SUFU: variants seen among roughly 807,000 people sequenced by gnomAD.
The protein encoded by SUFU is SUFU negative regulator of hedgehog signaling.
SUFU carries 7 observed loss-of-function variants against 58.9 expected under a neutral mutation model. The ratio of observed to expected loss-of-function variants is 0.12; its 90% confidence interval spans 0.07 to 0.22. SUFU has a LOEUF of 0.22. Ranked by LOEUF, SUFU falls within the 10% of genes least tolerant of loss-of-function variation. The pLI is 1.00. For synonymous variants in SUFU, 232 were observed against 254.8 expected (o/e 0.91, Z 0.85); for missense variants, 451 against 641.3 (o/e 0.70, Z 3.20).
chr10:102,512,405 A>G (rs1182603845), intron 2 of SUFU, among the ~76,000 whole-genome samples: 1 of 152,306 alleles, frequency 6.6e-6, no homozygotes, highest in South Asian at 2.1e-4. Context: ...AAAGAATATC[A>G]TTTCCTATGT....
intron 6 of SUFU, among the ~76,000 whole-genome samples, chr10:102,594,811 C>G (rs1050602679): frequency 6.6e-6 from 1 of 152,148 alleles, no homozygotes; most frequent in African/African-American, 2.4e-5. Context: ...CTCCGCCTCC[C>G]AGGGTCAAGC....
rs953524784 is a variant in SUFU, at chr10:102,615,463, G to T, written c.1157+61G>T. Reference sequence around the variant, plus strand: ...CAGCACCCAGCTCAGCCTCCAGGGGGCACTTCAGAGCCTCCCCAGCCCCCT... The same window carrying T: ...CAGCACCCAGCTCAGCCTCCAGGGGTCACTTCAGAGCCTCCCCAGCCCCCT... On this transcript the variant is annotated intron_variant, in intron 9 of 11. Transcript: ENST00000369902. The T allele has an allele frequency of 3.0e-5, 49 of 1,612,014 alleles. No homozygotes were observed. The East Asian group carries it at 1.1e-3, about 36-fold the overall frequency.
At chr10:102,522,951 A>T (rs547285859) in intron 2 of SUFU, among the ~76,000 whole-genome samples, 1 of 152,154 alleles carries the variant, frequency 6.6e-6, no homozygotes, top group African/African-American at 2.4e-5. Context: ...GCCTTAGGTT[A>T]TCACCTGGTG....
intron 3 of SUFU, among the ~76,000 whole-genome samples, chr10:102,575,075 G>T (rs2063200174): frequency 6.6e-6 from 1 of 151,650 alleles, no homozygotes; most frequent in Non-Finnish European, 1.5e-5. Context: ...AAAAAATTAG[G>T]CATGGTGGTG....
Position 102,617,932 on chromosome 10 carries a change from C to T in SUFU, c.1296+504C>T, listed in dbSNP as rs775342979. The T allele has an allele frequency of 4.6e-6, 1 of 219,318 alleles. No homozygotes were observed. The highest frequency in any genetic ancestry group is 9.0e-6 in the Non-Finnish European group (1 of 110,922). The allele number at this position is 219,318 out of a possible 1,614,324, so 13.6% of individuals were successfully genotyped here. Reference sequence around the variant, plus strand: ...AGCCTACCCCCATCTGACAGCCCTCCCGTTCCTCCTGAGTTTGTGTGACCA... The same window carrying T: ...AGCCTACCCCCATCTGACAGCCCTCTCGTTCCTCCTGAGTTTGTGTGACCA... On this transcript the variant is annotated intron_variant, in intron 10 of 11. Coordinates refer to ENST00000369902, the MANE Select transcript of SUFU (RefSeq NM_016169.4). This position sits in a 1 kb window ranked among gnomAD's most constrained non-coding sequence, Gnocchi z 4.4.
Position 102,619,527 on chromosome 10 carries a change from C to T in SUFU, c.1296+2099C>T, listed in dbSNP as rs1490981136. The T allele has an allele frequency of 2.7e-6, 3 of 1,102,216 alleles. No homozygotes were observed. Among genetic ancestry groups the T allele is most frequent in the Non-Finnish European group, 3.3e-6 (3 of 901,334 alleles). The allele number at this position is 1,102,216 out of a possible 1,614,324, so 68.3% of individuals were successfully genotyped here. A position where few individuals can be genotyped will look rare whatever the true frequency, so the allele number is the denominator to read the frequency against. Reference sequence around the variant, plus strand: ...CACGGGGCCGGCTCACAGGAGAGCTCCTGGGAAGGCTGGCGGAGGCCCCAC... The same window carrying T: ...CACGGGGCCGGCTCACAGGAGAGCTTCTGGGAAGGCTGGCGGAGGCCCCAC... On this transcript the variant is annotated intron_variant, in intron 10 of 11. Coordinates refer to ENST00000369902, the MANE Select transcript of SUFU (RefSeq NM_016169.4). The surrounding 1 kb of genome is among the most constrained non-coding windows in gnomAD (Gnocchi z 4.2).
In SUFU at chr10:102,504,190, C is replaced by T. The variant is rs768935165; in HGVS notation, c.38C>T (p.Thr13Ile). 17 of 1,540,806 alleles carry T rather than the reference C, an allele frequency of 1.1e-5. No homozygotes were observed. The African/African-American group carries it at 2.3e-4, about 21-fold the overall frequency. Residue 13 changes from threonine (T) to isoleucine (I), a missense_variant, in exon 1 of 12, where the codon ACC becomes ATC. By Grantham distance (89) the Thr-to-Ile change is moderately conservative. Coordinates refer to ENST00000369902, the MANE Select transcript of SUFU (RefSeq NM_016169.4). ...CGGCCTAGCGGCGCCCCCGGCCCCA[C>T]CGCGCCCCCGGCCCCTGGCCCGACT... The part of the protein sequence containing the change: ...ELRPSGAPGP[T>I]APPAPGPTAP...
chr10:102,627,898 G>T (rs1452480093), intron 11 of SUFU, among the ~76,000 whole-genome samples: 1 of 152,114 alleles, frequency 6.6e-6, no homozygotes, highest in East Asian at 1.9e-4. Flanking sequence ...ATTTGCGAGG[G>T]CTTACCTCAT....
intron 2 of SUFU, among the ~76,000 whole-genome samples, chr10:102,537,998 T>C (rs1345399217): frequency 6.6e-6 from 1 of 152,248 alleles, no homozygotes. Context: ...AGCAGCTGTA[T>C]CATCTTACAT....
Position 102,629,923 on chromosome 10 carries a change from C to T in SUFU, c.1366-143C>T. On this transcript the variant is annotated intron_variant, in intron 11 of 11. Coordinates refer to ENST00000369902, the MANE Select transcript of SUFU (RefSeq NM_016169.4). This position sits in a 1 kb window ranked among gnomAD's most constrained non-coding sequence, Gnocchi z 4.7. ...TTTGAGCCCAGCCTGCCACCTGGGTCTAGCATTTGAGAATGAAGCCACGCC... is the reference window on the plus strand; with the variant it reads ...TTTGAGCCCAGCCTGCCACCTGGGTTTAGCATTTGAGAATGAAGCCACGCC... 1.2e-6 allele frequency: 1 copy of T among 812,730 alleles called. No homozygotes were observed. The highest frequency in any genetic ancestry group is 1.7e-5 in the African/African-American group (1 of 59,802). The allele number at this position is 812,730 out of a possible 1,614,324, so 50.3% of individuals were successfully genotyped here.
chr10:102,585,754 A>T (rs2063329545), intron 3 of SUFU, among the ~76,000 whole-genome samples: 1 of 151,974 alleles, frequency 6.6e-6, no homozygotes, highest in Non-Finnish European at 1.5e-5. Context: ...CCTGGCCTCA[A>T]GCGATCCTCT....
chr10:102,542,109 C>A (rs1441134866), intron 2 of SUFU, among the ~76,000 whole-genome samples: 19 of 149,954 alleles, frequency 1.3e-4, no homozygotes, highest in Admixed American at 2.7e-4. Context: ...GACTTGAACT[C>A]CCGACCTCAA....
Position 102,615,349 on chromosome 10 carries a change from C to A in SUFU, c.1104C>A (p.Ser368Arg), listed in dbSNP as rs746580970. The change falls in exon 9 of 12, where the codon AGC (serine) becomes AGA (arginine). Residue 368 changes from serine (S) to arginine (R), a missense_variant. Transcript: ENST00000369902. ...HELIRTRQLE[S>R]VHLKFNQESG... ...TGATTCGCACGCGGCAGCTTGAGAG[C>A]GTACATCTGAAATTCAACCAGGAGT... is the stretch of plus-strand genomic sequence containing the variant. The A allele has an allele frequency of 6.2e-7, 1 of 1,614,128 alleles. No homozygotes were observed. Among genetic ancestry groups the A allele is most frequent in the Non-Finnish European group, 8.5e-7 (1 of 1,179,996 alleles).
chr10:102,620,588 C>T (rs764514656), intron 10 of SUFU, among the ~76,000 whole-genome samples: 22 of 152,324 alleles, frequency 1.4e-4, no homozygotes, highest in South Asian at 6.2e-4. Flanking sequence ...ACCTTGACTC[C>T]GTCTGCCCTG....
At chr10:102,609,162 C>G (rs968233126) in intron 8 of SUFU, among the ~76,000 whole-genome samples, 1 of 152,162 alleles carries the variant, frequency 6.6e-6, no homozygotes, top group African/African-American at 2.4e-5. Flanking sequence ...TTCTGAGTTT[C>G]AGTGTCTTTA....
At chr10:102,600,898 G>A (rs1011486340) in intron 8 of SUFU, among the ~76,000 whole-genome samples, 4 of 152,182 alleles carry the variant, frequency 2.6e-5, no homozygotes, top group Non-Finnish European at 5.9e-5. Context: ...CTGCCCTGAA[G>A]TAGCTGGCTG....
chr10:102,503,973 G>C lies in SUFU; in HGVS notation c.-180G>C, dbSNP rs2062283719. On this transcript the variant is annotated 5_prime_UTR_variant, in exon 1 of 12. Transcript: ENST00000369902. ...CGCCGCCCCGAGGCACCCTCTGGCA[G>C]ACTCGGCGGCGGCGACAGCCTGGGC... is the stretch of plus-strand genomic sequence containing the variant. The C allele has an allele frequency of 4.5e-6, 4 of 883,876 alleles. No homozygotes were observed. Among genetic ancestry groups the C allele is most frequent in the Admixed American group, 4.1e-5 (1 of 24,524 alleles). 54.8% of individuals were successfully genotyped at this position (883,876 alleles called of 1,614,324 possible). A position where few individuals can be genotyped will look rare whatever the true frequency, so the allele number is the denominator to read the frequency against.
In SUFU at chr10:102,574,587, T is replaced by G. The variant is rs192293577; in HGVS notation, c.455-17995T>G. On this transcript the variant is annotated intron_variant, in intron 3 of 11. Coordinates refer to ENST00000369902, the MANE Select transcript of SUFU (RefSeq NM_016169.4). ...GTAATTGTGCCACTACACTCTAGCCTGAGTGACACAGTGAGACCTTGTCTC... is the reference window on the plus strand; with the variant it reads ...GTAATTGTGCCACTACACTCTAGCCGGAGTGACACAGTGAGACCTTGTCTC... Among the ~76,000 whole-genome samples, 45 of 152,292 alleles carry G rather than the reference T, an allele frequency of 3.0e-4. 1 individual carries two copies. The East Asian group carries it at 6.9e-3, about 24-fold the overall frequency.
intron 9 of SUFU, among the ~76,000 whole-genome samples, chr10:102,616,075 C>T (rs1396196121): frequency 2.6e-5 from 4 of 152,098 alleles, no homozygotes; most frequent in Non-Finnish European, 4.4e-5. Context: ...CTATTTTCTC[C>T]TGCTTGCTGC....
Sources: allele counts gnomAD v4.1 joint callset (sites outside exome capture counted in the v4.1 genomes callset), GRCh38; gene constraint gnomAD v4.1.1; non-coding constraint Gnocchi (gnomAD v3.1); transcripts MANE v1.5; gene names NCBI Gene and HGNC (gene_info 2026-07-23, HGNC 2026-07-21).